Variants in NLRP2 observed in about 807,000 individuals in gnomAD.
NLRP2 encodes the protein NACHT, LRR and PYD domains-containing protein 2.
Under a neutral mutation model 97.2 loss-of-function variants are expected in NLRP2, and 107 were observed. That is an observed-to-expected ratio of 1.10 (90% CI 0.94 to 1.29). The LOEUF is 1.29. Ranked by LOEUF, NLRP2 falls within the 50% of genes most tolerant of loss-of-function variation. The pLI, the probability that NLRP2 is intolerant of heterozygous loss-of-function variation, is 0.00. For missense variants in NLRP2, 1,495 were observed against 1,330.3 expected (o/e 1.12, Z -1.93); for synonymous variants, 663 against 551.5 (o/e 1.20, Z -2.83).
At position 54,970,178 on chromosome 19, in the gene NLRP2, C is replaced by CT; in HGVS notation, c.164dup (p.Val56GlyfsTer9). 1 of 1,614,110 alleles carries CT rather than the reference C, an allele frequency of 6.2e-7. No homozygotes were observed. The highest frequency in any genetic ancestry group is 8.5e-7 in the Non-Finnish European group (1 of 1,180,026). ...GGTAGACAAGGCTGATGGGAAGCAA[C>CT]TGGTAGAAATCCTCACCACCCATTG... is the stretch of plus-strand genomic sequence containing the variant. On this transcript the variant is annotated frameshift_variant, in exon 2 of 13. Transcript: ENST00000448584. LOFTEE classifies it high-confidence loss of function.
rs572216748 is a variant in NLRP2 at position 54,986,290 on chromosome 19, C to G, written c.2341C>G (p.Pro781Ala). The G allele has an allele frequency of 4.3e-6, 7 of 1,613,968 alleles. No homozygotes were observed. In the African/African-American group the frequency reaches 9.3e-5, roughly 22 times the overall value. The stretch of plus-strand genomic sequence containing the variant: ...CGCATTGTGTGAGGTCTTGAGACAT[C>G]CAGAATGTAACCTGCGATATCTCGG... ...FPALCEVLRH[P>A]ECNLRYLGLV... The change falls in exon 8 of 13, where the codon CCA (proline) becomes GCA (alanine). Residue 781 changes from proline to alanine, a missense_variant. Physicochemically the swap from Pro to Ala is conservative, Grantham distance 27. Transcript: ENST00000448584.
At chr19:54,989,738 C>G (rs2072331407) in intron 8 of NLRP2, 2 of 532,548 alleles carry the variant, frequency 3.8e-6, no homozygotes, top group South Asian at 4.1e-5. Context: ...CATCCCAGCA[C>G]TCTGGGAGGC....
At chr19:54,981,196 G>A (rs62124642) in intron 4 of NLRP2, among the ~76,000 whole-genome samples, 13,870 of 152,122 alleles carry the variant, frequency 0.091, 934 homozygotes, top group East Asian at 0.25. Context: ...TTGAGATGGA[G>A]TCTTGCTCTG....
chr19:54,973,178 GACTCCATCTCAAAAAAAAAAA>G (rs1287619541), intron 2 of NLRP2, among the ~76,000 whole-genome samples: 1 of 148,930 alleles, frequency 6.7e-6, no homozygotes, highest in Non-Finnish European at 1.5e-5. Flanking sequence ...GTGACAGCAA[GACTCCATCTCAAAAAAAAAAA>G]ACAAACAAAC....
chr19:54,998,021 C>CTTTTTTT (rs2072934298), intron 12 of NLRP2, among the ~76,000 whole-genome samples: 1 of 127,428 alleles, frequency 7.8e-6, no homozygotes, highest in African/African-American at 2.8e-5. Flanking sequence ...TTTGTTTTTT[C>CTTTTTTT]TTTCTTTTTT....
At chr19:54,988,992 C>T (rs1399755773) in intron 8 of NLRP2, among the ~76,000 whole-genome samples, 1 of 152,014 alleles carries the variant, frequency 6.6e-6, no homozygotes, top group Admixed American at 6.6e-5. Flanking sequence ...GAGTCTTGCT[C>T]TGTCGCCCAG....
rs764943812 is a variant in NLRP2, at chr19:54,983,635, ACTGTCGAAAC to A, written c.1941_1950del (p.Asn649LysfsTer6). On this transcript the variant is annotated frameshift_variant, in exon 6 of 13. Coordinates refer to ENST00000448584, the MANE Select transcript of NLRP2 (RefSeq NM_017852.5). LOFTEE classifies it high-confidence loss of function. ...GTGCCATCTTCATTCTGCGTCAAGCACTGTCGAAACCTGCAGAAAATGTCACTGCAGGTAA... is the reference window on the plus strand; with the variant it reads ...GTGCCATCTTCATTCTGCGTCAAGCACTGCAGAAAATGTCACTGCAGGTAA... 1.2e-6 allele frequency: 2 copies of A among 1,614,154 alleles called. No individual in the cohort carries two copies. The highest frequency in any genetic ancestry group is 2.2e-5 in the South Asian group (2 of 91,082).
intron 3 of NLRP2, among the ~76,000 whole-genome samples, chr19:54,976,317 T>C (rs141431727): frequency 4.7e-5 from 7 of 149,034 alleles, no homozygotes; most frequent in Non-Finnish European, 1.0e-4. Flanking sequence ...CCTCCCAAAG[T>C]GTTGGGATTA....
chr19:54,973,954 TG>T, intron 2 of NLRP2: 1 of 913,766 alleles, frequency 1.1e-6, no homozygotes, highest in Non-Finnish European at 1.8e-6. Context: ...GTGGCTATGG[TG>T]GGCAGACTAA....
intron 6 of NLRP2, among the ~76,000 whole-genome samples, chr19:54,984,329 G>GTGTGGTTTTTTTTTTTTTT: frequency 1.3e-5 from 1 of 79,670 alleles, no homozygotes; most frequent in Non-Finnish European, 2.5e-5. Flanking sequence ...TTTTTTTTGT[G>GTGTGGTTTTTTTTTTTTTT]TTTTTTTTTT....
chr19:54,990,174 G>T lies in NLRP2; in HGVS notation c.2519G>T (p.Cys840Phe), dbSNP rs2072373829. The change falls in exon 9 of 13, where the codon TGC (cysteine) becomes TTC (phenylalanine). Residue 840 changes from cysteine to phenylalanine, a missense_variant. Coordinates refer to ENST00000448584, the MANE Select transcript of NLRP2 (RefSeq NM_017852.5). ...TACACAACTTTGAGACACCCCAAGT[G>T]CTTTCTGCAGAGGTTGTCGTAAGTC... ...LLYTTLRHPKCFLQRLSLENC... is the reference protein window; with the variant it reads ...LLYTTLRHPKFFLQRLSLENC... The T allele has an allele frequency of 6.2e-7, 1 of 1,614,004 alleles. No homozygotes were observed. The highest frequency in any genetic ancestry group is 1.3e-5 in the African/African-American group (1 of 74,908).
intron 10 of NLRP2, chr19:54,994,040 A>G (rs1197851798): frequency 3.2e-6 from 2 of 616,786 alleles, no homozygotes; most frequent in Non-Finnish European, 5.8e-6. Flanking sequence ...CCATCTTAAG[A>G]TGCTCAGTCA....
chr19:55,000,535 C>G (rs1463318888), intron 12 of NLRP2, among the ~76,000 whole-genome samples: 1 of 150,494 alleles, frequency 6.6e-6, no homozygotes, highest in Non-Finnish European at 1.5e-5. Flanking sequence ...GCCTCAGCCT[C>G]CTAAAGTGCT....
intron 10 of NLRP2, among the ~76,000 whole-genome samples, chr19:54,992,640 C>G (rs1443043640): frequency 1.4e-5 from 2 of 143,398 alleles, no homozygotes; most frequent in African/African-American, 5.2e-5. Context: ...TCTCAGCTCA[C>G]TGCAACCTCC....
At chr19:54,966,501 T>G (rs2070420569) in intron 1 of NLRP2, 34 bp downstream of exon 1, 1 of 152,076 alleles carries the variant, frequency 6.6e-6, no homozygotes, top group Non-Finnish European at 1.5e-5. Context: ...GCAACTTCAT[T>G]TCTTTATTTC....
chr19:54,971,028 G>T, intron 2 of NLRP2, among the ~76,000 whole-genome samples: 1 of 122,352 alleles, frequency 8.2e-6, no homozygotes, highest in South Asian at 2.7e-4. Context: ...GTGTCCATGT[G>T]ATCTCATTGT....
In NLRP2 at chr19:54,982,476, G is replaced by A. The variant is rs768559468; in HGVS notation, c.778G>A (p.Glu260Lys). Residue 260 changes from glutamate to lysine, a missense_variant, in exon 6 of 13, where the codon GAG becomes AAG. Glu to Lys is a moderately conservative substitution (Grantham distance 56). Coordinates refer to ENST00000448584, the MANE Select transcript of NLRP2 (RefSeq NM_017852.5). ...LSRLGPCSFA[E>K]LVFRDWPELQ... ...CCGCCTGGGCCCGTGCAGTTTTGCA[G>A]AGCTGGTCTTCAGGGACTGGCCTGA... The A allele has an allele frequency of 6.2e-7, 1 of 1,614,202 alleles. No homozygotes were observed. The highest frequency in any genetic ancestry group is 8.5e-7 in the Non-Finnish European group (1 of 1,180,040).
At chr19:54,999,103 C>T in intron 12 of NLRP2, among the ~76,000 whole-genome samples, 1 of 149,150 alleles carries the variant, frequency 6.7e-6, no homozygotes, top group East Asian at 1.9e-4. Flanking sequence ...GGCAGAGGCG[C>T]CCCTCACCTC....
intron 2 of NLRP2, chr19:54,973,776 G>T: frequency 1.8e-6 from 1 of 556,648 alleles, no homozygotes; most frequent in South Asian, 1.4e-5. Context: ...CTCTGAAAAA[G>T]ATACAAATTT....
Sources: allele counts gnomAD v4.1 joint callset (sites outside exome capture counted in the v4.1 genomes callset), GRCh38; gene constraint gnomAD v4.1.1; transcripts MANE v1.5; gene names NCBI Gene and HGNC (gene_info 2026-07-23, HGNC 2026-07-21).